Variants in PTPRM observed in about 807,000 individuals in gnomAD.
The protein encoded by PTPRM is protein tyrosine phosphatase receptor type M.
In PTPRM, 47 loss-of-function variants were observed where a neutral mutation model predicts 186.7. The observed-to-expected ratio is 0.25, with a 90% CI of 0.20 to 0.32. The LOEUF (loss-of-function observed/expected upper bound fraction) is 0.32. Among genes scored for constraint, PTPRM ranks in the 10% least tolerant of loss-of-function variants. PTPRM has a pLI of 1.00. For missense variants in PTPRM, 1,494 were observed against 1,865.0 expected, an observed-to-expected ratio of 0.80 and a Z score of 3.66; for synonymous variants, 668 against 674.9, an observed-to-expected ratio of 0.99 and a Z score of 0.16.
chr18:8,044,843 A>G, intron 7 of PTPRM, among the ~76,000 whole-genome samples: 1 of 152,278 alleles, frequency 6.6e-6, no homozygotes, highest in Non-Finnish European at 1.5e-5. Flanking sequence ...CTATAAAAAA[A>G]TATGGAAAAT....
intron 1 of PTPRM, among the ~76,000 whole-genome samples, chr18:7,574,620 A>G (rs1433965244): frequency 1.3e-5 from 2 of 152,270 alleles, no homozygotes. Flanking sequence ...AAATGGAAAG[A>G]AACAGGGACT....
chr18:7,934,797 A>G (rs1054893911), intron 5 of PTPRM, among the ~76,000 whole-genome samples: 11 of 152,144 alleles, frequency 7.2e-5, no homozygotes, highest in Non-Finnish European at 1.6e-4. Flanking sequence ...AAGAGCTCGG[A>G]TTTGAACCCA....
chr18:8,379,599 T>C (rs1319125935), intron 28 of PTPRM, among the ~76,000 whole-genome samples: 1 of 152,228 alleles, frequency 6.6e-6, no homozygotes, highest in Non-Finnish European at 1.5e-5. Context: ...CTGAGACTTT[T>C]AACCTGCTGG....
At chr18:8,215,921 C>G (rs1350610892) in intron 14 of PTPRM, among the ~76,000 whole-genome samples, 1 of 152,148 alleles carries the variant, frequency 6.6e-6, no homozygotes, top group African/African-American at 2.4e-5. Context: ...GAATAACCAT[C>G]ATTTAACCTA....
rs1267619705 is a variant in PTPRM, at chr18:7,873,899, T to A, written c.197-14207T>A. Among the ~76,000 whole-genome samples the A allele has an allele frequency of 3.3e-5, 5 of 152,162 alleles. No homozygotes were observed. The East Asian group carries it at 9.6e-4, about 29-fold the overall frequency. On this transcript the variant is annotated intron_variant, in intron 2 of 32. Transcript: ENST00000580170. ...AATACATATACCTTTTGGCTAGAAA[T>A]CTGACTTGTAGGACTCTCTTCTGTA...
At chr18:8,195,152 CTTTTTTT>C (rs1164451439) in intron 14 of PTPRM, among the ~76,000 whole-genome samples, 14 of 117,050 alleles carry the variant, frequency 1.2e-4, no homozygotes, top group Middle Eastern at 4.2e-3. Flanking sequence ...CTTAGAAGTT[CTTTTTTT>C]TTTTTTTTTT....
At chr18:7,835,762 A>G (rs1290358370) in intron 2 of PTPRM, among the ~76,000 whole-genome samples, 1 of 152,084 alleles carries the variant, frequency 6.6e-6, no homozygotes, top group African/African-American at 2.4e-5. Flanking sequence ...TGTTGGGCCC[A>G]TATATATTTA....
chr18:7,768,014 C>A (rs1222386011), intron 1 of PTPRM, among the ~76,000 whole-genome samples: 2 of 152,162 alleles, frequency 1.3e-5, no homozygotes. Flanking sequence ...CATTACCTAT[C>A]CTTTTAAAAA....
intron 2 of PTPRM, among the ~76,000 whole-genome samples, chr18:7,835,064 G>A (rs1239515515): frequency 8.1e-6 from 1 of 122,978 alleles, no homozygotes; most frequent in African/African-American, 3.1e-5. Context: ...ACAACTTTTT[G>A]GTTCAGTGAT....
At chr18:7,821,776 G>A (rs1030948896) in intron 2 of PTPRM, among the ~76,000 whole-genome samples, 6 of 152,200 alleles carry the variant, frequency 3.9e-5, no homozygotes, top group Admixed American at 1.3e-4. Context: ...TGGCTACTAA[G>A]TGATTTGTGG....
chr18:7,916,243 C>A (rs970980734), intron 4 of PTPRM, among the ~76,000 whole-genome samples: 6 of 151,842 alleles, frequency 4.0e-5, no homozygotes, highest in Non-Finnish European at 8.8e-5. Context: ...TCCCTTAAAT[C>A]CATTAAGATA....
intron 1 of PTPRM, among the ~76,000 whole-genome samples, chr18:7,595,722 G>T (rs193186984): frequency 1.7e-3 from 255 of 152,308 alleles, no homozygotes; most frequent in Admixed American, 3.7e-3. Flanking sequence ...AATAGATGAT[G>T]ATCTTCATAG....
intron 1 of PTPRM, among the ~76,000 whole-genome samples, chr18:7,711,993 G>C (rs1386779514): frequency 2.0e-5 from 3 of 152,146 alleles, no homozygotes; most frequent in Non-Finnish European, 4.4e-5. Context: ...CTAAGGGTCA[G>C]ACTGCCTCCA....
At chr18:8,345,437 G>A (rs1262164892) in intron 23 of PTPRM, among the ~76,000 whole-genome samples, 1 of 151,820 alleles carries the variant, frequency 6.6e-6, no homozygotes, top group Non-Finnish European at 1.5e-5. Flanking sequence ...AGAATAATAT[G>A]AATAACAATA....
At chr18:7,902,498 G>A (rs1599391310) in intron 3 of PTPRM, among the ~76,000 whole-genome samples, 1 of 152,288 alleles carries the variant, frequency 6.6e-6, no homozygotes, top group African/African-American at 2.4e-5. Context: ...TCCCTGGCTT[G>A]TTTGGAGGGG....
chr18:8,077,280 T>C (rs2089875576), intron 9 of PTPRM, among the ~76,000 whole-genome samples: 2 of 152,106 alleles, frequency 1.3e-5, no homozygotes, highest in African/African-American at 2.4e-5. Flanking sequence ...TTGTAAAGTT[T>C]CTAAAAATCG....
chr18:8,215,843 G>A (rs2094076801), intron 14 of PTPRM, among the ~76,000 whole-genome samples: 1 of 152,112 alleles, frequency 6.6e-6, no homozygotes, highest in South Asian at 2.1e-4. Flanking sequence ...ACACCAGGCA[G>A]CTATTGCTTC....
chr18:8,288,080 A>G (rs2147803288), intron 19 of PTPRM, among the ~76,000 whole-genome samples: 1 of 152,364 alleles, frequency 6.6e-6, no homozygotes, highest in Non-Finnish European at 1.5e-5. Context: ...GCTTTGACCA[A>G]GTTTTATGTA....
chr18:7,774,203 G>T lies in PTPRM; in HGVS notation c.128G>T (p.Gly43Val), dbSNP rs2042472813. The change falls in exon 2 of 33, where the codon GGT becomes GTT. Residue 43 changes from glycine (G) to valine (V), a missense_variant. Gly to Val is a moderately radical substitution (Grantham distance 109). Transcript: ENST00000580170. The stretch of plus-strand genomic sequence containing the variant: ...ACATGTGGATATAGTCAATCTGAAG[G>T]TGATGACTTCAATTGGGAGCAAGTG... Reference protein sequence around the residue: ...YSTCGYSQSEGDDFNWEQVNT... With the variant: ...YSTCGYSQSEVDDFNWEQVNT... The T allele has an allele frequency of 2.5e-6, 4 of 1,612,812 alleles. No homozygotes were observed. Among genetic ancestry groups the T allele is most frequent in the Admixed American group, 1.7e-5 (1 of 60,006 alleles).
Sources: gnomAD v4.1 joint callset for allele counts (sites outside exome capture counted in the v4.1 genomes callset) on GRCh38, gnomAD v4.1.1 for gene constraint, MANE v1.5 for transcripts, NCBI Gene and HGNC (gene_info 2026-07-23, HGNC 2026-07-21) for gene names.